Variants in SGCZ observed in about 807,000 individuals in gnomAD.
SGCZ encodes zeta-sarcoglycan.
SGCZ carries 40 observed loss-of-function variants against 41.3 expected under a neutral mutation model. The observed-to-expected ratio is 0.97, with a 90% CI of 0.75 to 1.26. The LOEUF (loss-of-function observed/expected upper bound fraction) is 1.26, where lower values mean the gene tolerates loss of function less well. SGCZ is among the 50% of genes most tolerant of loss of function. The pLI is 0.00. For synonymous variants in SGCZ, 206 were observed against 137.5 expected (o/e 1.50, Z -3.49); for missense variants, 552 against 369.8 (o/e 1.49, Z -4.04).
At chr8:14,307,378 A>T (rs2116987949) in intron 3 of SGCZ, among the ~76,000 whole-genome samples, 1 of 152,312 alleles carries the variant, frequency 6.6e-6, no homozygotes, top group South Asian at 2.1e-4. Flanking sequence ...CATATCTGAA[A>T]AATGATGAAA....
intron 1 of SGCZ, among the ~76,000 whole-genome samples, chr8:14,805,979 TA>T (rs1330291363): frequency 1.3e-5 from 2 of 150,804 alleles, no homozygotes; most frequent in Non-Finnish European, 3.0e-5. Context: ...CCTGAATGAC[TA>T]CTGGGTACAT....
rs141055663 is a variant in SGCZ at position 14,655,787 on chromosome 8, A to G, written c.40-100861T>C. 4.6e-3 allele frequency among the ~76,000 whole-genome samples: 702 copies of G among 152,234 alleles called. 5 individuals carry two copies. Among genetic ancestry groups the G allele is most frequent in the African/African-American group, 0.016 (657 of 41,532 alleles). ...CATCCAATCCCTTCCTATCCTTAAC[A>G]CTAAGCAACCAATAATCTGTCCTCC... On this transcript the variant is annotated intron_variant, in intron 1 of 7. Transcript: ENST00000382080.
At chr8:14,099,701 G>A (rs1017815503) in intron 7 of SGCZ, among the ~76,000 whole-genome samples, 1 of 151,996 alleles carries the variant, frequency 6.6e-6, no homozygotes, top group African/African-American at 2.4e-5. Context: ...CTCCATCCTG[G>A]GCGACAAGAG....
intron 4 of SGCZ, among the ~76,000 whole-genome samples, chr8:14,208,805 A>T (rs1013480435): frequency 6.6e-6 from 1 of 152,226 alleles, no homozygotes; most frequent in Admixed American, 6.5e-5. Context: ...ATGTATAAAG[A>T]TGCTAATCAT....
intron 2 of SGCZ, among the ~76,000 whole-genome samples, chr8:14,544,845 G>C (rs1029167602): frequency 2.0e-5 from 3 of 152,052 alleles, no homozygotes; most frequent in Non-Finnish European, 4.4e-5. Flanking sequence ...CTTATCAGTA[G>C]TCCTGCTTTT....
chr8:14,940,072 G>A (rs1273560195), intron 1 of SGCZ, among the ~76,000 whole-genome samples: 1 of 152,058 alleles, frequency 6.6e-6, no homozygotes, highest in Non-Finnish European at 1.5e-5. Context: ...GTTCTTAAGG[G>A]CCACTCTTAA....
At chr8:15,044,003 G>C (rs1804207862) in intron 1 of SGCZ, among the ~76,000 whole-genome samples, 1 of 152,000 alleles carries the variant, frequency 6.6e-6, no homozygotes, top group African/African-American at 2.4e-5. Flanking sequence ...CTTCAATGCA[G>C]AGAACTCCAA....
At chr8:14,774,011 T>G (rs1450140782) in intron 1 of SGCZ, among the ~76,000 whole-genome samples, 1 of 152,218 alleles carries the variant, frequency 6.6e-6, no homozygotes, top group African/African-American at 2.4e-5. Flanking sequence ...GACAACTTGG[T>G]TGGACCACTC....
intron 1 of SGCZ, among the ~76,000 whole-genome samples, chr8:15,120,105 C>T (rs532269452): frequency 7.2e-5 from 11 of 152,182 alleles, no homozygotes; most frequent in African/African-American, 2.7e-4. Context: ...CTCGGCCTTC[C>T]GAAGTGTTGG....
chr8:15,045,194 A>G (rs1804257262), intron 1 of SGCZ, among the ~76,000 whole-genome samples: 1 of 152,088 alleles, frequency 6.6e-6, no homozygotes, highest in African/African-American at 2.4e-5. Context: ...GTCATTCAAG[A>G]CAGAACATGT....
At position 14,588,729 on chromosome 8, in the gene SGCZ, C is replaced by G. The variant is rs575884103; in HGVS notation, c.40-33803G>C. 3.3e-4 allele frequency among the ~76,000 whole-genome samples: 50 copies of G among 152,164 alleles called. 1 individual carries two copies. The highest frequency in any genetic ancestry group is 1.2e-3 in the African/African-American group (48 of 41,542). ...ATTTTAACTGCCTTGTAAAATAATTCTCAACAAGAAATGTAGTCTGTGTAG... is the reference window on the plus strand; with the variant it reads ...ATTTTAACTGCCTTGTAAAATAATTGTCAACAAGAAATGTAGTCTGTGTAG... On this transcript the variant is annotated intron_variant, in intron 1 of 7. Coordinates refer to ENST00000382080, the MANE Select transcript of SGCZ (RefSeq NM_139167.4).
intron 5 of SGCZ, chr8:14,162,775 G>C (rs1448009748): frequency 6.6e-6 from 1 of 152,318 alleles, no homozygotes; most frequent in Non-Finnish European, 1.5e-5. Flanking sequence ...GTAGGGGTAA[G>C]GGTGGTAGGA....
At chr8:15,204,531 A>G (rs1002720296) in intron 1 of SGCZ, among the ~76,000 whole-genome samples, 157 of 152,238 alleles carry the variant, frequency 1.0e-3, no homozygotes, top group African/African-American at 3.6e-3. Context: ...ATTCTGCTTC[A>G]CTGGAAATTG....
intron 1 of SGCZ, among the ~76,000 whole-genome samples, chr8:15,063,425 A>C (rs1240149685): frequency 6.6e-6 from 1 of 152,212 alleles, no homozygotes; most frequent in Non-Finnish European, 1.5e-5. Flanking sequence ...TATTACAAAG[A>C]AAACAACAAT....
intron 1 of SGCZ, among the ~76,000 whole-genome samples, chr8:15,029,826 T>C (rs916290522): frequency 6.6e-6 from 1 of 152,160 alleles, no homozygotes; most frequent in African/African-American, 2.4e-5. Context: ...TATCATGCCT[T>C]CTGAAAATAA....
intron 1 of SGCZ, among the ~76,000 whole-genome samples, chr8:14,776,512 CTTTTTCTTTTTTTT>C (rs1367665693): frequency 2.3e-5 from 3 of 127,870 alleles, no homozygotes; most frequent in Non-Finnish European, 5.1e-5. Flanking sequence ...ACTTTTTTTT[CTTTTTCTTTTTTTT>C]TTTTTTTTTT....
intron 1 of SGCZ, among the ~76,000 whole-genome samples, chr8:15,097,009 G>A (rs554354623): frequency 1.3e-5 from 2 of 152,138 alleles, no homozygotes; most frequent in South Asian, 4.2e-4. Context: ...GAGATGGGAG[G>A]TCTCACTGTG....
chr8:14,199,530 TG>T lies in SGCZ; in HGVS notation c.425-34829del, dbSNP rs1805387316. 2.6e-5 allele frequency among the ~76,000 whole-genome samples: 4 copies of T among 152,278 alleles called. No individual in the cohort carries two copies. In the South Asian group the frequency reaches 8.3e-4, roughly 32 times the overall value. ...TGATCTCTGTGACCCACACCCTATT[TG>T]TACACTCCCTCCCCTTTTTAAAATC... is the stretch of plus-strand genomic sequence containing the variant. On this transcript the variant is annotated intron_variant, in intron 4 of 7. Transcript: ENST00000382080.
At position 14,352,152 on chromosome 8, in the gene SGCZ, A is replaced by G. The variant is rs141573153; in HGVS notation, c.235-27948T>C. Among the ~76,000 whole-genome samples, 33 of 152,214 alleles carry G rather than the reference A, an allele frequency of 2.2e-4. No individual in the cohort carries two copies. The East Asian group carries it at 5.6e-3, about 26-fold the overall frequency. ...AAGAATGAAATGCATCTTTCAGGGT[A>G]AATTTGAAGTAAAAGAGTTACAAAA... On this transcript the variant is annotated intron_variant, in intron 2 of 7. Transcript: ENST00000382080.
Sources: allele counts gnomAD v4.1 joint callset (sites outside exome capture counted in the v4.1 genomes callset), GRCh38; gene constraint gnomAD v4.1.1; transcripts MANE v1.5; gene names NCBI Gene and HGNC (gene_info 2026-07-23, HGNC 2026-07-21).